NYAP2: variants seen among roughly 807,000 people sequenced by gnomAD.
NYAP2 encodes neuronal tyrosine-phosphorylated phosphoinositide-3-kinase adaptor 2, also known as neuronal tyrosine-phosphorylated phosphoinositide-3-kinase adapter 2.
NYAP2 carries 23 observed loss-of-function variants against 50.4 expected under a neutral mutation model. The ratio of observed to expected loss-of-function variants is 0.46; its 90% confidence interval spans 0.33 to 0.65. NYAP2 has a LOEUF of 0.65. NYAP2 is among the 30% of genes least tolerant of loss of function. The pLI is 0.02. For synonymous variants in NYAP2, 394 were observed against 365.2 expected, an observed-to-expected ratio of 1.08 and a Z score of -0.90; for missense variants, 885 against 861.0, an observed-to-expected ratio of 1.03 and a Z score of -0.35.
intron 3 of NYAP2, among the ~76,000 whole-genome samples, chr2:225,448,938 G>A (rs143478997): frequency 7.2e-5 from 11 of 152,290 alleles, no homozygotes; most frequent in African/African-American, 1.2e-4. Context: ...ATGTGTTTAT[G>A]TTGGGGCATT....
intron 3 of NYAP2, among the ~76,000 whole-genome samples, chr2:225,492,371 C>T (rs892936232): frequency 6.6e-6 from 1 of 152,214 alleles, no homozygotes; most frequent in Non-Finnish European, 1.5e-5. Context: ...GGTAGGCCTG[C>T]TTCACAACCA....
At chr2:225,648,945 C>G (rs1024417501) in intron 6 of NYAP2, among the ~76,000 whole-genome samples, 11 of 152,166 alleles carry the variant, frequency 7.2e-5, no homozygotes, top group African/African-American at 2.7e-4. Flanking sequence ...GTTGATGAAG[C>G]TAAAAGGACA....
Position 225,413,476 on chromosome 2 carries a change from T to A in NYAP2, c.221+4375T>A, listed in dbSNP as rs535679727. On this transcript the variant is annotated intron_variant, in intron 3 of 6. Coordinates refer to ENST00000636099, the Ensembl canonical transcript of NYAP2. ...GGTAATGTCCAAATTCAATTTTATTTGATTCATATGGTGACTGGATATCTT... is the reference window on the plus strand; with the variant it reads ...GGTAATGTCCAAATTCAATTTTATTAGATTCATATGGTGACTGGATATCTT... Among the ~76,000 whole-genome samples, 9 of 152,300 alleles carry A rather than the reference T, an allele frequency of 5.9e-5. No individual in the cohort carries two copies. The South Asian group carries it at 1.9e-3, about 32-fold the overall frequency.
chr2:225,537,130 C>T (rs914905010), intron 4 of NYAP2, among the ~76,000 whole-genome samples: 6 of 152,058 alleles, frequency 3.9e-5, no homozygotes, highest in African/African-American at 1.2e-4. Flanking sequence ...GCCCACTTTC[C>T]CCAACCCCCT....
At chr2:225,493,938 C>A (rs1690456006) in intron 3 of NYAP2, among the ~76,000 whole-genome samples, 1 of 152,186 alleles carries the variant, frequency 6.6e-6, no homozygotes, top group Admixed American at 6.5e-5. Flanking sequence ...TGCCCAATGA[C>A]TTCTTGAACC....
At chr2:225,481,919 T>G (rs1012395204) in intron 3 of NYAP2, among the ~76,000 whole-genome samples, 2 of 151,862 alleles carry the variant, frequency 1.3e-5, no homozygotes, top group Non-Finnish European at 2.9e-5. Flanking sequence ...GAGAGAGACA[T>G]CAATAACAAC....
chr2:225,463,448 T>G (rs931807321), intron 3 of NYAP2, among the ~76,000 whole-genome samples: 1 of 152,278 alleles, frequency 6.6e-6, no homozygotes, highest in Admixed American at 6.5e-5. Context: ...TAATTTGATC[T>G]CTTTTTCAGG....
At chr2:225,690,783 A>C in the NYAP2 span, among the ~76,000 whole-genome samples, 1 of 152,080 alleles carries the variant, frequency 6.6e-6, no homozygotes, top group Non-Finnish European at 1.5e-5. Context: ...GGTTTATCTA[A>C]TGGGCCAAAC....
downstream of NYAP2, among the ~76,000 whole-genome samples, chr2:225,655,074 G>A (rs1428114555): frequency 6.6e-6 from 1 of 152,196 alleles, no homozygotes; most frequent in African/African-American, 2.4e-5. Context: ...ACCAGAGGTG[G>A]TATATGAACA....
chr2:225,650,793 T>G (rs1333128449), intron 6 of NYAP2, among the ~76,000 whole-genome samples: 1 of 152,218 alleles, frequency 6.6e-6, no homozygotes, highest in African/African-American at 2.4e-5. Flanking sequence ...AGGGAACTCT[T>G]TCAGTCCTCA....
chr2:225,669,464 C>A, the NYAP2 span, among the ~76,000 whole-genome samples: 2 of 151,882 alleles, frequency 1.3e-5, no homozygotes, highest in Non-Finnish European at 2.9e-5. Flanking sequence ...TTATGTGTTA[C>A]AAAAATAAAC....
chr2:225,630,832 A>C (rs1693298757), intron 6 of NYAP2, among the ~76,000 whole-genome samples: 1 of 152,198 alleles, frequency 6.6e-6, no homozygotes, highest in Non-Finnish European at 1.5e-5. Flanking sequence ...TCATTTACTG[A>C]GATAGAGACT....
At chr2:225,685,752 G>A in the NYAP2 span, among the ~76,000 whole-genome samples, 1 of 152,078 alleles carries the variant, frequency 6.6e-6, no homozygotes, top group African/African-American at 2.4e-5. Flanking sequence ...GGTTCTGTAT[G>A]TGGACACAAA....
chr2:225,547,072 A>G (rs964450422), intron 4 of NYAP2, among the ~76,000 whole-genome samples: 5 of 152,042 alleles, frequency 3.3e-5, no homozygotes, highest in African/African-American at 4.8e-5. Flanking sequence ...AGCTAGAAAA[A>G]AGTCCTCTTT....
intron 3 of NYAP2, among the ~76,000 whole-genome samples, chr2:225,458,150 T>G (rs1689768857): frequency 6.6e-6 from 1 of 152,164 alleles, no homozygotes; most frequent in Non-Finnish European, 1.5e-5. Context: ...TACATTTTCT[T>G]TAATGATTTT....
chr2:225,603,375 T>G (rs1692729723), intron 5 of NYAP2, among the ~76,000 whole-genome samples: 1 of 152,224 alleles, frequency 6.6e-6, no homozygotes, highest in Non-Finnish European at 1.5e-5. Flanking sequence ...GAGTATTTTC[T>G]AAGTGAAGAT....
intron 3 of NYAP2, among the ~76,000 whole-genome samples, chr2:225,416,442 A>C (rs1258825022): frequency 6.6e-6 from 1 of 152,140 alleles, no homozygotes; most frequent in African/African-American, 2.4e-5. Context: ...CCCCTTATAC[A>C]GGTCAAAATG....
intron 3 of NYAP2, among the ~76,000 whole-genome samples, chr2:225,453,967 G>A (rs138977710): frequency 8.3e-4 from 125 of 151,476 alleles, no homozygotes; most frequent in African/African-American, 2.8e-3. Flanking sequence ...GTGAGTCACC[G>A]CGCCTGGCCA....
At chr2:225,625,043 TAAAAAAAAAAAAAA>T (rs386392796) in intron 5 of NYAP2, among the ~76,000 whole-genome samples, 2 of 69,632 alleles carry the variant, frequency 2.9e-5, no homozygotes, top group South Asian at 1.5e-3. Flanking sequence ...AACCCAAGCG[TAAAAAAAAAAAAAA>T]AAAAAAAAAA....
Sources: gnomAD v4.1 joint callset for allele counts (sites outside exome capture counted in the v4.1 genomes callset) on GRCh38, gnomAD v4.1.1 for gene constraint, MANE v1.5 for transcripts, NCBI Gene and HGNC (gene_info 2026-07-23, HGNC 2026-07-21) for gene names.